CRACD: variants seen among roughly 807,000 people sequenced by gnomAD.
CRACD encodes the protein capping protein-inhibiting regulator of actin dynamics.
A neutral mutation model predicts 106.8 loss-of-function variants in CRACD; 56 were observed. That is an observed-to-expected ratio of 0.52 (90% CI 0.42 to 0.66). The LOEUF is 0.66. Among genes scored for constraint, CRACD ranks in the 30% least tolerant of loss-of-function variants. The pLI, the probability that CRACD is intolerant of heterozygous loss-of-function variation, is 0.00. For synonymous variants in CRACD, 754 were observed against 670.8 expected (o/e 1.12, Z -1.92); for missense variants, 1,730 against 1,623.2 (o/e 1.07, Z -1.13).
intron 5 of CRACD, 87 bp from the exon 6 acceptor site, chr4:56,310,561 TGTGTAGAGGAGGGGGTGA>T: frequency 1.3e-6 from 1 of 789,832 alleles, no homozygotes; most frequent in Non-Finnish European, 2.2e-6. Context: ...GCTGCACCCC[TGTGTAGAGGAGGGGGTGA>T]CCCTACCCAG....
chr4:56,289,333 A>G (rs1207871432), intron 3 of CRACD, among the ~76,000 whole-genome samples: 6 of 152,204 alleles, frequency 3.9e-5, no homozygotes, highest in African/African-American at 9.7e-5. Context: ...GAAAAAATTT[A>G]TGGCTGCTGG....
chr4:56,189,183 C>T (rs1385339463), intron 2 of CRACD, among the ~76,000 whole-genome samples: 1 of 127,742 alleles, frequency 7.8e-6, no homozygotes, highest in Non-Finnish European at 1.7e-5. Context: ...GCCACTGTCT[C>T]AAAAAAAAAA....
chr4:56,089,509 ATTTTT>A (rs761380094), intron 1 of CRACD, among the ~76,000 whole-genome samples: 1 of 124,314 alleles, frequency 8.0e-6, no homozygotes. Flanking sequence ...GTATTATAGG[ATTTTT>A]TTTTTTTTTT....
intron 1 of CRACD, among the ~76,000 whole-genome samples, chr4:56,138,227 G>A (rs2109873670): frequency 6.6e-6 from 1 of 152,274 alleles, no homozygotes. Flanking sequence ...ACTTTGGGAG[G>A]CTGAGGTGGA....
chr4:56,290,070 A>G (rs1169348175), intron 3 of CRACD, among the ~76,000 whole-genome samples: 1 of 152,188 alleles, frequency 6.6e-6, no homozygotes. Flanking sequence ...TGCTGCTTCC[A>G]GTTTACTCGT....
At chr4:56,164,545 A>G (rs1736071425) in intron 1 of CRACD, among the ~76,000 whole-genome samples, 2 of 152,232 alleles carry the variant, frequency 1.3e-5, no homozygotes, top group South Asian at 4.1e-4. Context: ...GGAGTGCAAG[A>G]AGCTGGGCAC....
chr4:56,218,967 C>T (rs1222161930), intron 2 of CRACD, among the ~76,000 whole-genome samples: 1 of 152,088 alleles, frequency 6.6e-6, no homozygotes, highest in African/African-American at 2.4e-5. Context: ...GCCTGTTGTG[C>T]CTTTTGACCT....
chr4:56,301,885 T>C (rs1030082162), intron 4 of CRACD, among the ~76,000 whole-genome samples: 1 of 151,758 alleles, frequency 6.6e-6, no homozygotes, highest in Non-Finnish European at 1.5e-5. Context: ...AAGATAAAAA[T>C]AGTGCACGTG....
chr4:56,217,733 T>TA (rs150354108), intron 2 of CRACD, among the ~76,000 whole-genome samples: 8,668 of 152,258 alleles, frequency 0.057, 850 homozygotes, highest in African/African-American at 0.2. Context: ...GAGGAAGGTA[T>TA]AAATAATGAG....
intron 1 of CRACD, among the ~76,000 whole-genome samples, chr4:56,059,900 T>A (rs1241503585): frequency 6.6e-6 from 1 of 152,172 alleles, no homozygotes; most frequent in Non-Finnish European, 1.5e-5. Flanking sequence ...GCCAGGCTGG[T>A]CTCAAACTCT....
intron 1 of CRACD, among the ~76,000 whole-genome samples, chr4:56,094,098 G>GA: frequency 6.6e-6 from 1 of 152,034 alleles, no homozygotes; most frequent in Non-Finnish European, 1.5e-5. Flanking sequence ...TCCAATGTTA[G>GA]AAAAAATGTT....
At chr4:56,245,486 C>T (rs369263090) in intron 2 of CRACD, among the ~76,000 whole-genome samples, 1 of 152,154 alleles carries the variant, frequency 6.6e-6, no homozygotes, top group Non-Finnish European at 1.5e-5. Context: ...TGAACTAAAG[C>T]CTTTGGTACG....
chr4:56,327,855 CTTTT>C lies in CRACD; in HGVS notation c.*53_*56del. The C allele has an allele frequency of 1.3e-6, 2 of 1,491,934 alleles. No homozygotes were observed. Among genetic ancestry groups the C allele is most frequent in the Non-Finnish European group, 1.8e-6 (2 of 1,095,834 alleles). 92.4% of individuals were successfully genotyped at this position (1,491,934 alleles called of 1,614,324 possible). A position where few individuals can be genotyped will look rare whatever the true frequency, so the allele number is the denominator to read the frequency against. On this transcript the variant is annotated 3_prime_UTR_variant, in exon 11 of 11. Coordinates refer to ENST00000682029, the MANE Select transcript of CRACD (RefSeq NM_001393381.1). ...GCCAGTTATTGGCTCCTCTCTTGCCCTTTTTATTTATTTATTTTTTATATGGGGT... is the reference window on the plus strand; with the variant it reads ...GCCAGTTATTGGCTCCTCTCTTGCCCTATTTATTTATTTTTTATATGGGGT...
intron 1 of CRACD, among the ~76,000 whole-genome samples, chr4:56,157,061 G>T (rs1735785298): frequency 6.6e-6 from 1 of 151,622 alleles, no homozygotes; most frequent in Admixed American, 6.6e-5. Context: ...AAATTAAAAA[G>T]ACAAAGAATG....
intron 2 of CRACD, among the ~76,000 whole-genome samples, chr4:56,240,799 G>T (rs1427086557): frequency 6.6e-6 from 1 of 152,206 alleles, no homozygotes; most frequent in Non-Finnish European, 1.5e-5. Context: ...TCAAAAAGAA[G>T]ATTCTTAGGT....
intron 2 of CRACD, among the ~76,000 whole-genome samples, chr4:56,219,588 A>T (rs1296949416): frequency 6.6e-6 from 1 of 152,112 alleles, no homozygotes. Flanking sequence ...GCCTGGAGAG[A>T]ACAGTCAAAT....
At chr4:56,140,296 CAGAG>C (rs1436230069) in intron 1 of CRACD, among the ~76,000 whole-genome samples, 13 of 152,198 alleles carry the variant, frequency 8.5e-5, no homozygotes, top group Non-Finnish European at 1.6e-4. Flanking sequence ...TGGATTGTAG[CAGAG>C]GCTGGAAATG....
chr4:56,104,051 G>T (rs1733864917), intron 1 of CRACD, among the ~76,000 whole-genome samples: 1 of 152,160 alleles, frequency 6.6e-6, no homozygotes, highest in South Asian at 2.1e-4. Context: ...TGAGATTATA[G>T]GCTTGAGCCA....
intron 1 of CRACD, among the ~76,000 whole-genome samples, chr4:56,112,529 G>C (rs1043545350): frequency 2.9e-4 from 44 of 151,990 alleles, no homozygotes; most frequent in Non-Finnish European, 5.1e-4. Context: ...CTGGCTAGTT[G>C]GGGGGACCTC....
Sources: gnomAD v4.1 joint callset for allele counts (sites outside exome capture counted in the v4.1 genomes callset) on GRCh38, gnomAD v4.1.1 for gene constraint, MANE v1.5 for transcripts, NCBI Gene and HGNC (gene_info 2026-07-23, HGNC 2026-07-21) for gene names.